Variants in PTPRT observed in about 807,000 individuals in gnomAD.
PTPRT encodes protein tyrosine phosphatase receptor type T, also known as receptor-type tyrosine-protein phosphatase T.
In PTPRT, 56 loss-of-function variants were observed where a neutral mutation model predicts 176.8. The ratio of observed to expected loss-of-function variants is 0.32; its 90% CI spans 0.26 to 0.40. PTPRT has a LOEUF of 0.40. Among genes scored for constraint, PTPRT ranks in the 10% least tolerant of loss-of-function variants. The pLI is 1.00. For synonymous variants in PTPRT, 783 were observed against 739.0 expected, an observed-to-expected ratio of 1.06 and a Z score of -0.96; for missense variants, 1,540 against 1,908.2, an observed-to-expected ratio of 0.81 and a Z score of 3.60.
At chr20:43,102,178 G>A (rs2012414729) in intron 1 of PTPRT, among the ~76,000 whole-genome samples, 1 of 151,760 alleles carries the variant, frequency 6.6e-6, no homozygotes, top group Admixed American at 6.6e-5. Context: ...TAATACAGGG[G>A]GCATACATTC....
At position 42,588,957 on chromosome 20, in the gene PTPRT, C is replaced by T. The variant is rs377161722; in HGVS notation, c.1153+88909G>A. On this transcript the variant is annotated intron_variant, in intron 7 of 30. Transcript: ENST00000373187. ...AAGTTATATGGTCCAAGGTAAAGAG[C>T]CAGTAAAAGGCAGAAATAGGATTTG... is the stretch of plus-strand genomic sequence containing the variant. Among the ~76,000 whole-genome samples, 6 of 152,206 alleles carry T rather than the reference C, an allele frequency of 3.9e-5. No individual in the cohort carries two copies. In the East Asian group the frequency reaches 7.7e-4, roughly 20 times the overall value.
chr20:42,763,816 G>A (rs1202185385), intron 5 of PTPRT, among the ~76,000 whole-genome samples: 1 of 152,178 alleles, frequency 6.6e-6, no homozygotes, highest in African/African-American at 2.4e-5. Context: ...ACCCTTCCAA[G>A]AGCCCTCTAT....
intron 2 of PTPRT, among the ~76,000 whole-genome samples, chr20:42,841,364 C>A (rs1327398891): frequency 6.6e-6 from 1 of 152,068 alleles, no homozygotes; most frequent in Non-Finnish European, 1.5e-5. Context: ...ATAATCCATG[C>A]CCTCATTTCT....
At chr20:42,548,221 T>C (rs1243750073) in intron 7 of PTPRT, among the ~76,000 whole-genome samples, 1 of 152,072 alleles carries the variant, frequency 6.6e-6, no homozygotes, top group Non-Finnish European at 1.5e-5. Context: ...TAGATAAACT[T>C]AGCTTAAAAT....
chr20:43,108,248 C>T (rs2012702969), intron 1 of PTPRT, among the ~76,000 whole-genome samples: 1 of 152,144 alleles, frequency 6.6e-6, no homozygotes, highest in Admixed American at 6.5e-5. Context: ...GAGGATGTTC[C>T]CTCTCAGAAC....
At chr20:42,275,326 G>A (rs1299584375) in intron 13 of PTPRT, among the ~76,000 whole-genome samples, 2 of 152,028 alleles carry the variant, frequency 1.3e-5, no homozygotes, top group South Asian at 2.1e-4. Context: ...GTTCCTTCCC[G>A]GACTCCCAAT....
At chr20:42,562,993 A>G (rs1454304931) in intron 7 of PTPRT, among the ~76,000 whole-genome samples, 2 of 152,230 alleles carry the variant, frequency 1.3e-5, no homozygotes, top group South Asian at 4.1e-4. Context: ...GTATCTTTTC[A>G]TATTCTTGCT....
intron 1 of PTPRT, chr20:42,971,194 A>G (rs1029987169): frequency 6.6e-6 from 1 of 152,242 alleles, no homozygotes; most frequent in Non-Finnish European, 1.5e-5. Context: ...GTCAGAAAGC[A>G]TTTCAAAGAA....
intron 5 of PTPRT, among the ~76,000 whole-genome samples, chr20:42,770,927 T>C (rs2077053431): frequency 6.6e-6 from 1 of 152,172 alleles, no homozygotes; most frequent in African/African-American, 2.4e-5. Context: ...GTAGTTAAGA[T>C]TTAACAAGAT....
At position 42,460,392 on chromosome 20, in the gene PTPRT, A is replaced by G. The variant is rs142001283; in HGVS notation, c.1450+11874T>C. On this transcript the variant is annotated intron_variant, in intron 8 of 30. Coordinates refer to ENST00000373187, the MANE Select transcript of PTPRT (RefSeq NM_007050.6). ...CATTGTCCCTGGCTGTTTTCCTGCT[A>G]CAATGGTGGCATCGAGTAGCTGCTA... Among the ~76,000 whole-genome samples, 3 of 152,308 alleles carry G rather than the reference A, an allele frequency of 2.0e-5. No individual in the cohort carries two copies. In the East Asian group the frequency reaches 5.8e-4, roughly 29 times the overall value.
chr20:42,825,643 T>C (rs568426863), intron 2 of PTPRT, among the ~76,000 whole-genome samples: 1 of 152,232 alleles, frequency 6.6e-6, no homozygotes, highest in African/African-American at 2.4e-5. Context: ...AGTAAACACA[T>C]GCATTAACCT....
chr20:42,372,871 T>C (rs1471126303), intron 9 of PTPRT, among the ~76,000 whole-genome samples: 1 of 152,188 alleles, frequency 6.6e-6, no homozygotes, highest in African/African-American at 2.4e-5. Context: ...GGCAATTTAA[T>C]CTTGGACCTC....
intron 7 of PTPRT, among the ~76,000 whole-genome samples, chr20:42,665,352 T>C (rs533507626): frequency 4.9e-4 from 75 of 152,338 alleles, no homozygotes; most frequent in Non-Finnish European, 7.9e-4. Context: ...ATGCTCATCA[T>C]CACTGGCCAT....
chr20:43,125,397 G>A (rs1310747965), intron 1 of PTPRT, among the ~76,000 whole-genome samples: 5 of 152,036 alleles, frequency 3.3e-5, no homozygotes, highest in African/African-American at 1.2e-4. Context: ...AAGCACTTTT[G>A]ACCTCATTTC....
chr20:42,322,695 C>G (rs2057817858), intron 11 of PTPRT, among the ~76,000 whole-genome samples: 1 of 151,854 alleles, frequency 6.6e-6, no homozygotes, highest in African/African-American at 2.4e-5. Flanking sequence ...AGGACATAGG[C>G]ATGGGCAAGG....
intron 1 of PTPRT, among the ~76,000 whole-genome samples, chr20:43,051,625 TAAAAAAA>T (rs35885799): frequency 1.3e-4 from 12 of 91,952 alleles, no homozygotes; most frequent in East Asian, 3.6e-4. Flanking sequence ...TCTGTAACTG[TAAAAAAA>T]AAAAAAAAAA....
chr20:42,339,339 C>T (rs1334569931), intron 11 of PTPRT, among the ~76,000 whole-genome samples: 1 of 152,140 alleles, frequency 6.6e-6, no homozygotes, highest in African/African-American at 2.4e-5. Context: ...TTAGCCCCCA[C>T]GTGGACAGGG....
At chr20:42,260,800 A>G (rs1344184222) in intron 13 of PTPRT, among the ~76,000 whole-genome samples, 1 of 152,248 alleles carries the variant, frequency 6.6e-6, no homozygotes, top group Non-Finnish European at 1.5e-5. Flanking sequence ...AGGGAGAAGC[A>G]GAAACCAAAC....
In PTPRT at chr20:42,432,900, C is replaced by T. The variant is rs568595492; in HGVS notation, c.1560+15320G>A. 5.9e-5 allele frequency among the ~76,000 whole-genome samples: 9 copies of T among 152,202 alleles called. No individual in the cohort carries two copies. In the South Asian group the frequency reaches 6.2e-4, roughly 10 times the overall value. The stretch of plus-strand genomic sequence containing the variant: ...ATCTTGCCACCCTAAAACTATAATC[C>T]GACTATCTTGGGCACACTTTCTCAG... On this transcript the variant is annotated intron_variant, in intron 9 of 30. Transcript: ENST00000373187.
Sources: gnomAD v4.1 joint callset for allele counts (sites outside exome capture counted in the v4.1 genomes callset) on GRCh38, gnomAD v4.1.1 for gene constraint, MANE v1.5 for transcripts, NCBI Gene and HGNC (gene_info 2026-07-23, HGNC 2026-07-21) for gene names.